CDC14A: variants seen among roughly 807,000 people sequenced by gnomAD.
The protein encoded by CDC14A is cell division cycle 14A, also known as dual specificity protein phosphatase CDC14A.
A neutral mutation model predicts 74.4 loss-of-function variants in CDC14A; 53 were observed. That is an observed-to-expected ratio of 0.71 (90% CI 0.57 to 0.89). The LOEUF (loss-of-function observed/expected upper bound fraction) is 0.89. Among genes scored for constraint, CDC14A ranks in the 40% least tolerant of loss-of-function variants. The pLI is 0.00. For synonymous variants in CDC14A, 247 were observed against 258.4 expected (o/e 0.96, Z 0.43); for missense variants, 646 against 713.7 (o/e 0.91, Z 1.08).
intron 5 of CDC14A, 33 bp from the exon 6 acceptor site, chr1:100,439,899 A>G (rs750278528): frequency 6.6e-7 from 1 of 1,504,424 alleles, no homozygotes; most frequent in South Asian, 1.1e-5. Flanking sequence ...TCTAAATGCA[A>G]GTTTTTAATG....
At position 100,415,147 on chromosome 1, in the gene CDC14A, C is replaced by T. The variant is rs191711236; in HGVS notation, c.310-9075C>T. ...TGTAATCAAATTAGATGGGAAGACA[C>T]ACATGGCTAATATTGTCTGCCATTC... is the stretch of plus-strand genomic sequence containing the variant. On this transcript the variant is annotated intron_variant, in intron 4 of 15. Coordinates refer to ENST00000336454, the MANE Select transcript of CDC14A (RefSeq NM_003672.4). 1.2e-4 allele frequency among the ~76,000 whole-genome samples: 19 copies of T among 152,282 alleles called. No individual in the cohort carries two copies. In the East Asian group the frequency reaches 3.1e-3, roughly 25 times the overall value.
intron 4 of CDC14A, among the ~76,000 whole-genome samples, chr1:100,416,608 G>A (rs1249806374): frequency 6.6e-6 from 1 of 152,124 alleles, no homozygotes; most frequent in Non-Finnish European, 1.5e-5. Context: ...ACATAGACGG[G>A]CTTTAGGGTG....
chr1:100,350,908 T>G (rs1451513957), upstream of CDC14A, among the ~76,000 whole-genome samples: 1 of 152,108 alleles, frequency 6.6e-6, no homozygotes, highest in African/African-American at 2.4e-5. Flanking sequence ...ATAAAATAAT[T>G]TGAGGCCTGG....
chr1:100,351,910 G>A (rs189392038), upstream of CDC14A: 1,311 of 1,047,396 alleles, frequency 1.3e-3, 10 homozygotes, highest in African/African-American at 0.019. Flanking sequence ...AGTGTTGGGC[G>A]TGGGGGGTGG....
intron 10 of CDC14A, among the ~76,000 whole-genome samples, chr1:100,474,609 G>GTTT (rs35293583): frequency 1.4e-5 from 2 of 146,280 alleles, no homozygotes; most frequent in African/African-American, 2.5e-5. Context: ...TGTGGAGTGT[G>GTTT]TTTTTTTTTT....
At chr1:100,488,889 T>G (rs1303316498) in intron 11 of CDC14A, among the ~76,000 whole-genome samples, 2 of 152,202 alleles carry the variant, frequency 1.3e-5, no homozygotes, top group Non-Finnish European at 2.9e-5. Flanking sequence ...CTAATCTGAA[T>G]GCCATTGGGA....
chr1:100,413,967 G>A (rs1419852778), intron 4 of CDC14A, among the ~76,000 whole-genome samples: 3 of 152,070 alleles, frequency 2.0e-5, no homozygotes, highest in Non-Finnish European at 4.4e-5. Context: ...TCAAGTATTA[G>A]CATTGAGGGA....
chr1:100,474,405 T>C (rs931979926), intron 10 of CDC14A, among the ~76,000 whole-genome samples: 4 of 152,176 alleles, frequency 2.6e-5, no homozygotes, highest in African/African-American at 9.6e-5. Context: ...TGAGAGCTGG[T>C]GTGAATTCTT....
chr1:100,373,187 A>C (rs1056206983), intron 2 of CDC14A, among the ~76,000 whole-genome samples: 4 of 152,086 alleles, frequency 2.6e-5, no homozygotes, highest in Non-Finnish European at 5.9e-5. Flanking sequence ...TTGAACACTG[A>C]GAGGCCATGA....
intron 2 of CDC14A, among the ~76,000 whole-genome samples, chr1:100,363,742 G>A (rs2100904836): frequency 6.6e-6 from 1 of 152,006 alleles, no homozygotes; most frequent in South Asian, 2.1e-4. Flanking sequence ...TGGATATGTG[G>A]CATTTCAGTG....
intron 11 of CDC14A, among the ~76,000 whole-genome samples, chr1:100,488,760 C>T (rs928399644): frequency 9.2e-5 from 14 of 152,152 alleles, no homozygotes; most frequent in African/African-American, 3.1e-4. Context: ...TTTATAAAAT[C>T]CATCAAGTAC....
chr1:100,397,191 T>C (rs766118943), intron 4 of CDC14A, among the ~76,000 whole-genome samples: 4 of 152,176 alleles, frequency 2.6e-5, no homozygotes, highest in Non-Finnish European at 5.9e-5. Flanking sequence ...CCAGGGTTGC[T>C]GGAATGATGT....
chr1:100,405,415 A>C (rs1290680222), intron 4 of CDC14A, among the ~76,000 whole-genome samples: 1 of 152,164 alleles, frequency 6.6e-6, no homozygotes, highest in Non-Finnish European at 1.5e-5. Flanking sequence ...TCTGGGGTAC[A>C]TGTGCAGGAT....
At chr1:100,510,343 A>G (rs1649623710) in intron 15 of CDC14A, among the ~76,000 whole-genome samples, 1 of 152,264 alleles carries the variant, frequency 6.6e-6, no homozygotes, top group South Asian at 2.1e-4. Context: ...CAGAATGGCA[A>G]TAACTTGCCC....
chr1:100,374,203 C>T (rs1405589269), intron 2 of CDC14A, among the ~76,000 whole-genome samples: 1 of 152,126 alleles, frequency 6.6e-6, no homozygotes, highest in Non-Finnish European at 1.5e-5. Flanking sequence ...TCCAGTCTAT[C>T]ATTGTTGGAC....
At chr1:100,440,030 C>T (rs750368375) in intron 6 of CDC14A, 32 bp downstream of exon 6, 1 of 1,499,678 alleles carries the variant, frequency 6.7e-7, no homozygotes, top group South Asian at 1.1e-5. Context: ...GTAGTTGACA[C>T]AGTAGTTTAA....
intron 2 of CDC14A, among the ~76,000 whole-genome samples, chr1:100,363,533 T>G (rs1653096406): frequency 6.6e-6 from 1 of 152,232 alleles, no homozygotes; most frequent in Non-Finnish European, 1.5e-5. Flanking sequence ...AGATATTTCC[T>G]TTATTGTTAA....
At chr1:100,346,350 G>A (rs548334206) in intron 1 of CDC14A, among the ~76,000 whole-genome samples, 86 of 152,090 alleles carry the variant, frequency 5.7e-4, no homozygotes, top group Admixed American at 9.8e-4. Flanking sequence ...TATGAATGGC[G>A]TGGGTGCGGT....
At chr1:100,397,731 A>G (rs1009110646) in intron 4 of CDC14A, among the ~76,000 whole-genome samples, 1 of 152,220 alleles carries the variant, frequency 6.6e-6, no homozygotes, top group African/African-American at 2.4e-5. Flanking sequence ...CAGAGGTGGT[A>G]GCCACATTAT....
Sources: gnomAD v4.1 joint callset for allele counts (sites outside exome capture counted in the v4.1 genomes callset) on GRCh38, gnomAD v4.1.1 for gene constraint, MANE v1.5 for transcripts, NCBI Gene and HGNC (gene_info 2026-07-23, HGNC 2026-07-21) for gene names.